Variants in PRTG observed in about 807,000 individuals in gnomAD.
PRTG encodes immunoglobulin superfamily, DCC subclass, member 5.
Under a neutral mutation model 122.5 loss-of-function variants are expected in PRTG, and 67 were observed. That is an observed-to-expected ratio of 0.55 (90% CI 0.45 to 0.67). The LOEUF is 0.67. Among genes scored for constraint, PRTG ranks in the 30% least tolerant of loss-of-function variants. PRTG has a pLI of 0.00. For missense variants in PRTG, 1,435 were observed against 1,415.4 expected, an observed-to-expected ratio of 1.01 and a Z score of -0.22; for synonymous variants, 554 against 501.1, an observed-to-expected ratio of 1.11 and a Z score of -1.41.
In PRTG at chr15:55,620,152, A is replaced by G; in HGVS notation, c.3313T>C (p.Phe1105Leu). The G allele has an allele frequency of 1.2e-6, 2 of 1,614,160 alleles. No homozygotes were observed. The highest frequency in any genetic ancestry group is 1.7e-6 in the Non-Finnish European group (2 of 1,180,028). The change falls in exon 20 of 20, where the codon TTT becomes CTT. Residue 1105 changes from phenylalanine to leucine, a missense_variant. Transcript: ENST00000389286. ...PGQTTSFSRP[F>L]GVAADTEHSA... Reference sequence around the variant, plus strand: ...TGTTCTGTATCAGCTGCAACACCAAAGGGTCTTGAGAAGCTGGTTGTCTGA... The same window carrying G: ...TGTTCTGTATCAGCTGCAACACCAAGGGGTCTTGAGAAGCTGGTTGTCTGA...
intron 2 of PRTG, among the ~76,000 whole-genome samples, chr15:55,710,980 C>T (rs1485300866): frequency 6.6e-6 from 1 of 151,974 alleles, no homozygotes; most frequent in Admixed American, 6.6e-5. Flanking sequence ...GATCTCAGCT[C>T]ACTGCAAACT....
intron 2 of PRTG, chr15:55,703,055 TG>T (rs1268280538): frequency 2.2e-5 from 8 of 371,210 alleles, no homozygotes; most frequent in Middle Eastern, 1.4e-3. Context: ...TAGAACCAGT[TG>T]GTCTGTTCCT....
chr15:55,698,509 T>TC (rs1304282581), intron 2 of PRTG, among the ~76,000 whole-genome samples: 1 of 152,250 alleles, frequency 6.6e-6, no homozygotes, highest in East Asian at 1.9e-4. Context: ...CAGGCTGGTC[T>TC]CCAACTTGTG....
In PRTG at chr15:55,742,834, C is replaced by G; in HGVS notation, c.94+4G>C. 6.5e-7 allele frequency: 1 copy of G among 1,541,800 alleles called. No individual in the cohort carries two copies. Among genetic ancestry groups the G allele is most frequent in the Non-Finnish European group, 8.8e-7 (1 of 1,142,608 alleles). Reference sequence around the variant, plus strand: ...TAAGAGAAAGCAGAAGAAAGCGCGCCCACCTGGCAAAGGACTGAGCAGCAG... The same window carrying G: ...TAAGAGAAAGCAGAAGAAAGCGCGCGCACCTGGCAAAGGACTGAGCAGCAG... On this transcript the variant is annotated splice_donor_region_variant and intron_variant, in intron 1 of 19. Coordinates refer to ENST00000389286, the MANE Select transcript of PRTG (RefSeq NM_173814.6).
At position 55,730,138 on chromosome 15, in the gene PRTG, G is replaced by A. The variant is rs558407524; in HGVS notation, c.397+10244C>T. ...TTTTTTTGAGATGGGGTTTCTCTCC[G>A]TTGCCCATACTGGAGTGCAGCGGCA... On this transcript the variant is annotated intron_variant, in intron 2 of 19. Transcript: ENST00000389286. 9.2e-5 allele frequency among the ~76,000 whole-genome samples: 14 copies of A among 152,052 alleles called. 1 individual carries two copies. The highest frequency in any genetic ancestry group is 2.9e-4 in the African/African-American group (12 of 41,490).
chr15:55,739,403 A>G (rs1198108156), intron 2 of PRTG, among the ~76,000 whole-genome samples: 1 of 151,968 alleles, frequency 6.6e-6, no homozygotes, highest in Admixed American at 6.6e-5. Flanking sequence ...AGCTAAGATT[A>G]TGCCTTTATC....
At chr15:55,725,587 C>T (rs555731765) in intron 2 of PRTG, among the ~76,000 whole-genome samples, 66 of 150,412 alleles carry the variant, frequency 4.4e-4, no homozygotes, top group African/African-American at 1.6e-3. Context: ...GACAGTGACC[C>T]TGTCTCAAAA....
chr15:55,626,270 G>A (rs897823417), intron 17 of PRTG, among the ~76,000 whole-genome samples: 34 of 152,040 alleles, frequency 2.2e-4, no homozygotes, highest in African/African-American at 6.5e-4. Flanking sequence ...TTAGCCAGGC[G>A]TGGTGGCAGG....
intron 15 of PRTG, among the ~76,000 whole-genome samples, chr15:55,635,928 T>G (rs2141728683): frequency 1.3e-5 from 2 of 152,256 alleles, no homozygotes; most frequent in Middle Eastern, 6.8e-3. Context: ...CAAACTACTC[T>G]CTTCTCAGAA....
chr15:55,681,708 T>C (rs1289607213), intron 4 of PRTG, among the ~76,000 whole-genome samples: 1 of 152,186 alleles, frequency 6.6e-6, no homozygotes, highest in East Asian at 1.9e-4. Context: ...CAAATGCAAA[T>C]CGTGGTATTT....
At position 55,740,379 on chromosome 15, in the gene PRTG, T is replaced by G; in HGVS notation, c.397+3A>C. The G allele has an allele frequency of 6.3e-7, 1 of 1,585,746 alleles. No homozygotes were observed. Among genetic ancestry groups the G allele is most frequent in the Non-Finnish European group, 8.6e-7 (1 of 1,166,626 alleles). On this transcript the variant is annotated splice_donor_region_variant and intron_variant, in intron 2 of 19. Coordinates refer to ENST00000389286, the MANE Select transcript of PRTG (RefSeq NM_173814.6). ...GTCAACAACTAAAAACTTAAACACT[T>G]ACTTGATAAGGCAAGATGAGCTTTT...
intron 2 of PRTG, among the ~76,000 whole-genome samples, chr15:55,718,555 C>A (rs1465666399): frequency 6.6e-6 from 1 of 151,762 alleles, no homozygotes. Flanking sequence ...TATCTCCCTT[C>A]GCTGACTCTT....
chr15:55,622,207 T>A (rs2059169774), intron 18 of PRTG, among the ~76,000 whole-genome samples: 2 of 147,026 alleles, frequency 1.4e-5, no homozygotes, highest in African/African-American at 5.1e-5. Flanking sequence ...CAGTTACATA[T>A]TAGTACTTGT....
intron 2 of PRTG, among the ~76,000 whole-genome samples, chr15:55,704,081 G>T (rs962171513): frequency 2.0e-5 from 3 of 152,098 alleles, no homozygotes; most frequent in African/African-American, 7.2e-5. Flanking sequence ...TGAATTCAAG[G>T]GGGAAAAAAA....
intron 2 of PRTG, among the ~76,000 whole-genome samples, chr15:55,715,299 C>G (rs2030557610): frequency 6.6e-6 from 1 of 152,166 alleles, no homozygotes; most frequent in Non-Finnish European, 1.5e-5. Flanking sequence ...TCAGGCTAAT[C>G]AGGATATTTT....
intron 11 of PRTG, among the ~76,000 whole-genome samples, chr15:55,657,949 C>G (rs184460351): frequency 1.3e-5 from 2 of 152,154 alleles, no homozygotes; most frequent in African/African-American, 4.8e-5. Flanking sequence ...TACCATCACA[C>G]GGAGATAAAC....
intron 11 of PRTG, among the ~76,000 whole-genome samples, chr15:55,667,788 T>C (rs1253648314): frequency 2.0e-5 from 3 of 152,318 alleles, no homozygotes; most frequent in South Asian, 2.1e-4. Flanking sequence ...TTGTGACTGC[T>C]GGACAGAATG....
chr15:55,627,340 T>A (rs2059200741), intron 16 of PRTG, among the ~76,000 whole-genome samples: 2 of 150,968 alleles, frequency 1.3e-5, no homozygotes, highest in South Asian at 4.2e-4. Flanking sequence ...TTTTTTTTTT[T>A]TTTGAGACGG....
intron 12 of PRTG, among the ~76,000 whole-genome samples, chr15:55,640,791 C>G (rs1659296): frequency 0.37 from 55,928 of 151,302 alleles, 11,725 homozygotes; most frequent in Non-Finnish European, 0.48. Flanking sequence ...GGGTAGATCA[C>G]TTGAGGTCAG....
Sources: gnomAD v4.1 joint callset for allele counts (sites outside exome capture counted in the v4.1 genomes callset) on GRCh38, gnomAD v4.1.1 for gene constraint, MANE v1.5 for transcripts, NCBI Gene and HGNC (gene_info 2026-07-23, HGNC 2026-07-21) for gene names.